SLC41A2: variants seen among roughly 807,000 people sequenced by gnomAD.
The protein encoded by SLC41A2 is SLC41A1-like 1.
SLC41A2 carries 32 observed loss-of-function variants against 58.3 expected under a neutral mutation model. The observed-to-expected ratio is 0.55, with a 90% CI of 0.41 to 0.74. The LOEUF (loss-of-function observed/expected upper bound fraction) is 0.74, where lower values mean the gene tolerates loss of function less well. Ranked by LOEUF, SLC41A2 falls within the 30% of genes least tolerant of loss-of-function variation. SLC41A2 has a pLI of 0.00. For synonymous variants in SLC41A2, 190 were observed against 235.0 expected, an observed-to-expected ratio of 0.81 and a Z score of 1.75; for missense variants, 514 against 680.6, an observed-to-expected ratio of 0.76 and a Z score of 2.72.
At chr12:104,915,076 CTG>C (rs2046255877) in intron 2 of SLC41A2, among the ~76,000 whole-genome samples, 1 of 152,192 alleles carries the variant, frequency 6.6e-6, no homozygotes, top group Admixed American at 6.5e-5. Flanking sequence ...ACTGCAGAAA[CTG>C]AGGTATACAT....
At chr12:104,832,265 C>T (rs916978620) in intron 10 of SLC41A2, among the ~76,000 whole-genome samples, 3 of 152,156 alleles carry the variant, frequency 2.0e-5, no homozygotes, top group African/African-American at 7.2e-5. Flanking sequence ...CGGATTATCT[C>T]TCTTGTACAA....
chr12:104,854,180 C>G (rs1394186898), intron 8 of SLC41A2, among the ~76,000 whole-genome samples: 1 of 151,144 alleles, frequency 6.6e-6, no homozygotes, highest in Non-Finnish European at 1.5e-5. Flanking sequence ...AGTAGATGTG[C>G]AAAATGAAAA....
chr12:104,883,994 C>T (rs2044523985), intron 6 of SLC41A2, among the ~76,000 whole-genome samples: 1 of 152,214 alleles, frequency 6.6e-6, no homozygotes, highest in Non-Finnish European at 1.5e-5. Context: ...TGGTGGGCTC[C>T]ACCCAGTTTG....
intron 6 of SLC41A2, among the ~76,000 whole-genome samples, chr12:104,869,266 A>T (rs1016941870): frequency 4.6e-5 from 7 of 152,174 alleles, no homozygotes; most frequent in African/African-American, 1.7e-4. Context: ...TGTATACTTT[A>T]AAAAAGTGAA....
chr12:104,949,594 C>G (rs1416895821), intron 1 of SLC41A2, among the ~76,000 whole-genome samples: 1 of 151,370 alleles, frequency 6.6e-6, no homozygotes, highest in Non-Finnish European at 1.5e-5. Context: ...TAAACTTTTT[C>G]TTTTTTTAGA....
intron 8 of SLC41A2, among the ~76,000 whole-genome samples, chr12:104,855,977 T>C (rs925991186): frequency 2.1e-5 from 2 of 95,106 alleles, no homozygotes. Context: ...AGACTAGGGA[T>C]AAAGCCATGA....
chr12:104,899,040 G>C (rs2045433480), intron 3 of SLC41A2, among the ~76,000 whole-genome samples: 1 of 152,142 alleles, frequency 6.6e-6, no homozygotes, highest in African/African-American at 2.4e-5. Context: ...GCCTTTGCTA[G>C]GCCTACTGTT....
At chr12:104,898,455 AAT>A (rs917698101) in intron 3 of SLC41A2, among the ~76,000 whole-genome samples, 2 of 152,094 alleles carry the variant, frequency 1.3e-5, no homozygotes, top group East Asian at 1.9e-4. Context: ...ACTAGAAAAA[AAT>A]ATGTTTAATG....
intron 6 of SLC41A2, among the ~76,000 whole-genome samples, chr12:104,879,360 T>C (rs2044239229): frequency 6.6e-6 from 1 of 152,218 alleles, no homozygotes; most frequent in Admixed American, 6.5e-5. Flanking sequence ...TTGCTTTTGG[T>C]GTTTTAGTCA....
intron 2 of SLC41A2, among the ~76,000 whole-genome samples, chr12:104,911,532 G>A (rs1392546289): frequency 2.6e-5 from 4 of 152,050 alleles, no homozygotes; most frequent in Non-Finnish European, 5.9e-5. Context: ...TATGAGCTAG[G>A]CATATTAACT....
At chr12:104,936,155 G>T (rs1012532258) in intron 1 of SLC41A2, among the ~76,000 whole-genome samples, 2 of 152,078 alleles carry the variant, frequency 1.3e-5, no homozygotes, top group Admixed American at 6.5e-5. Flanking sequence ...CTACTGTGCT[G>T]CCAGTCATAT....
intron 1 of SLC41A2, among the ~76,000 whole-genome samples, chr12:104,943,818 T>C (rs2047605639): frequency 6.6e-6 from 1 of 152,136 alleles, no homozygotes; most frequent in Non-Finnish European, 1.5e-5. Context: ...GCTTGCAACT[T>C]AGCTCGCACC....
chr12:104,906,654 G>A (rs76118586), intron 3 of SLC41A2, among the ~76,000 whole-genome samples: 1 of 152,252 alleles, frequency 6.6e-6, no homozygotes, highest in African/African-American at 2.4e-5. Context: ...TTTAAACTAT[G>A]TAGACATATG....
chr12:104,893,957 C>A (rs1349153990), intron 4 of SLC41A2, among the ~76,000 whole-genome samples: 1 of 143,958 alleles, frequency 6.9e-6, no homozygotes, highest in African/African-American at 2.6e-5. Context: ...AGGGTGACTT[C>A]AGTCAATAAT....
chr12:104,833,342 A>G (rs2042102898), intron 10 of SLC41A2, among the ~76,000 whole-genome samples: 1 of 152,202 alleles, frequency 6.6e-6, no homozygotes, highest in Non-Finnish European at 1.5e-5. Context: ...CAACCAAACA[A>G]TGGTCATACC....
intron 3 of SLC41A2, among the ~76,000 whole-genome samples, chr12:104,896,706 A>G (rs1369879242): frequency 6.6e-6 from 1 of 152,240 alleles, no homozygotes; most frequent in Non-Finnish European, 1.5e-5. Flanking sequence ...CAAGAAAGGT[A>G]GGAGTTAAAG....
rs2044009224 is a variant in SLC41A2 at position 104,875,729 on chromosome 12, G to A, written c.1028-9150C>T. Among the ~76,000 whole-genome samples the A allele has an allele frequency of 2.0e-5, 3 of 152,276 alleles. No individual in the cohort carries two copies. In the South Asian group the frequency reaches 6.2e-4, roughly 32 times the overall value. The stretch of plus-strand genomic sequence containing the variant: ...GACTGCTTGAGCCAAGGAGTTCAAG[G>A]CTGCAGTGAGCTATAATCATGCCAC... On this transcript the variant is annotated intron_variant, in intron 6 of 10. Coordinates refer to ENST00000258538, the MANE Select transcript of SLC41A2 (RefSeq NM_001352171.3).
chr12:104,814,536 G>A (rs976241602), intron 10 of SLC41A2, among the ~76,000 whole-genome samples: 2 of 151,852 alleles, frequency 1.3e-5, no homozygotes, highest in African/African-American at 4.8e-5. Flanking sequence ...ACTTATACAT[G>A]ACAAATGAAA....
intron 1 of SLC41A2, among the ~76,000 whole-genome samples, chr12:104,934,404 G>A (rs2047183280): frequency 1.3e-5 from 2 of 152,104 alleles, no homozygotes; most frequent in Non-Finnish European, 2.9e-5. Flanking sequence ...TTTAAATTCT[G>A]GACTCTCTTT....
Sources: allele counts gnomAD v4.1 joint callset (sites outside exome capture counted in the v4.1 genomes callset), GRCh38; gene constraint gnomAD v4.1.1; transcripts MANE v1.5; gene names NCBI Gene and HGNC (gene_info 2026-07-23, HGNC 2026-07-21).